The following SYT17 variants were observed in gnomAD, a reference collection of about 807,000 sequenced individuals.
SYT17 encodes synaptotagmin-17.
Under a neutral mutation model 46.7 loss-of-function variants are expected in SYT17, and 22 were observed. The ratio of observed to expected loss-of-function variants is 0.47; its 90% CI spans 0.34 to 0.67. SYT17 has a LOEUF of 0.67. Among genes scored for constraint, SYT17 ranks in the 30% least tolerant of loss-of-function variants. The probability of loss-of-function intolerance (pLI) is 0.01; values close to 1 mark genes in which losing one functional copy is unlikely to be tolerated. For synonymous variants in SYT17, 251 were observed against 248.4 expected, an observed-to-expected ratio of 1.01 and a Z score of -0.10; for missense variants, 519 against 612.8, an observed-to-expected ratio of 0.85 and a Z score of 1.62.
intron 7 of SYT17, among the ~76,000 whole-genome samples, chr16:19,260,088 T>TA (rs1395662287): frequency 3.3e-5 from 5 of 151,998 alleles, no homozygotes; most frequent in Non-Finnish European, 7.4e-5. Context: ...AATCAATGTC[T>TA]AAATTACAAT....
chr16:19,199,292 C>T (rs1965372341), intron 5 of SYT17, among the ~76,000 whole-genome samples: 1 of 152,174 alleles, frequency 6.6e-6, no homozygotes, highest in Non-Finnish European at 1.5e-5. Flanking sequence ...CTTCATTCTA[C>T]ACAGGAGGAA....
intron 2 of SYT17, chr16:19,173,178 G>T (rs1239888961): frequency 7.3e-6 from 4 of 548,598 alleles, no homozygotes; most frequent in Non-Finnish European, 9.6e-6. Context: ...GAAAATACCT[G>T]CAAATGTTTT....
intron 1 of SYT17, chr16:19,172,333 C>A: frequency 7.4e-7 from 1 of 1,350,376 alleles, no homozygotes; most frequent in Non-Finnish European, 9.4e-7. Flanking sequence ...CAAGTAACAT[C>A]CACTGTGTGC....
At chr16:19,222,307 A>T (rs12921556) in intron 5 of SYT17, among the ~76,000 whole-genome samples, 15 of 137,280 alleles carry the variant, frequency 1.1e-4, no homozygotes, top group East Asian at 7.3e-4. Context: ...TTTTTTTTTT[A>T]AAAGGGGACA....
At chr16:19,210,494 T>A (rs1312464498) in intron 5 of SYT17, among the ~76,000 whole-genome samples, 1 of 150,830 alleles carries the variant, frequency 6.6e-6, no homozygotes, top group African/African-American at 2.4e-5. Context: ...AAAGGGTATT[T>A]TTTTTTTTTA....
At chr16:19,237,140 T>A (rs1966860323) in intron 7 of SYT17, among the ~76,000 whole-genome samples, 1 of 152,196 alleles carries the variant, frequency 6.6e-6, no homozygotes, top group Admixed American at 6.5e-5. Context: ...CCGTGCAAAG[T>A]CATCCAGCTG....
chr16:19,221,506 T>A (rs1395075770), intron 5 of SYT17, among the ~76,000 whole-genome samples: 1 of 152,206 alleles, frequency 6.6e-6, no homozygotes, highest in African/African-American at 2.4e-5. Context: ...GCAAACAAAA[T>A]ACACCTGCAG....
intron 7 of SYT17, among the ~76,000 whole-genome samples, chr16:19,263,678 G>A (rs1437875192): frequency 6.7e-6 from 1 of 148,834 alleles, no homozygotes; most frequent in Non-Finnish European, 1.5e-5. Context: ...AAAAAAACTT[G>A]GACATAAATG....
chr16:19,190,274 G>A (rs1025041475), intron 5 of SYT17, among the ~76,000 whole-genome samples: 9 of 152,206 alleles, frequency 5.9e-5, no homozygotes, highest in African/African-American at 2.2e-4. Context: ...GGAAGGCTGA[G>A]GCAGGAGAAA....
intron 7 of SYT17, among the ~76,000 whole-genome samples, chr16:19,251,637 A>G (rs754911726): frequency 6.6e-6 from 1 of 152,124 alleles, no homozygotes; most frequent in Non-Finnish European, 1.5e-5. Flanking sequence ...GGGAAGTGAC[A>G]GCTTCCTCTT....
At chr16:19,178,689 G>A (rs1009247086) in intron 3 of SYT17, among the ~76,000 whole-genome samples, 2 of 152,128 alleles carry the variant, frequency 1.3e-5, no homozygotes, top group Non-Finnish European at 2.9e-5. Context: ...TTTTCAAGAC[G>A]AGTTTTCCCA....
intron 5 of SYT17, among the ~76,000 whole-genome samples, chr16:19,188,980 G>A (rs1964901545): frequency 1.3e-5 from 2 of 151,940 alleles, no homozygotes; most frequent in African/African-American, 2.4e-5. Flanking sequence ...TCCGCCTCCC[G>A]GGTTCACGCC....
At chr16:19,215,845 G>C (rs554137171) in intron 5 of SYT17, among the ~76,000 whole-genome samples, 38 of 152,320 alleles carry the variant, frequency 2.5e-4, no homozygotes, top group Non-Finnish European at 5.3e-4. Context: ...ATTCCACGTG[G>C]CTGGGGAAGC....
At chr16:19,262,437 A>G (rs567114726) in intron 7 of SYT17, among the ~76,000 whole-genome samples, 1 of 152,306 alleles carries the variant, frequency 6.6e-6, no homozygotes, top group East Asian at 1.9e-4. Context: ...ATTAGGAAAT[A>G]AATTCCTGTT....
intron 5 of SYT17, among the ~76,000 whole-genome samples, chr16:19,219,871 G>A (rs185354920): frequency 1.6e-4 from 24 of 152,072 alleles, no homozygotes; most frequent in Non-Finnish European, 1.9e-4. Flanking sequence ...GTTTTGTTTT[G>A]TTTTGTTTTA....
At chr16:19,200,121 T>C (rs375647147) in intron 5 of SYT17, among the ~76,000 whole-genome samples, 1 of 152,226 alleles carries the variant, frequency 6.6e-6, no homozygotes. Flanking sequence ...GAGCAGTTTA[T>C]AGTATCAAAA....
At chr16:19,196,709 T>A (rs1965260405) in intron 5 of SYT17, among the ~76,000 whole-genome samples, 1 of 152,194 alleles carries the variant, frequency 6.6e-6, no homozygotes, top group Non-Finnish European at 1.5e-5. Context: ...TTGTTACAAC[T>A]GGTAAACCTA....
chr16:19,249,924 T>A (rs1324407239), intron 7 of SYT17: 1 of 1,534,768 alleles, frequency 6.5e-7, no homozygotes, highest in Non-Finnish European at 8.7e-7. Context: ...ATTCACCAAG[T>A]CCTCTTTTTG....
chr16:19,199,237 G>A (rs1311471877), intron 5 of SYT17, among the ~76,000 whole-genome samples: 1 of 152,076 alleles, frequency 6.6e-6, no homozygotes, highest in African/African-American at 2.4e-5. Context: ...TCTATATGTG[G>A]TCCCACTGCA....
Sources: gnomAD v4.1 joint callset for allele counts (sites outside exome capture counted in the v4.1 genomes callset) on GRCh38, gnomAD v4.1.1 for gene constraint, MANE v1.5 for transcripts, NCBI Gene and HGNC (gene_info 2026-07-23, HGNC 2026-07-21) for gene names.